WNT3A: variants seen among roughly 807,000 people sequenced by gnomAD.
WNT3A encodes Wnt family member 3A, also known as protein Wnt-3a.
Under a neutral mutation model 37.0 loss-of-function variants are expected in WNT3A, and 17 were observed. The ratio of observed to expected loss-of-function variants is 0.46; its 90% CI spans 0.31 to 0.69. WNT3A has a LOEUF of 0.69. Among genes scored for constraint, WNT3A ranks in the 30% least tolerant of loss-of-function variants. The pLI, the probability that WNT3A is intolerant of heterozygous loss-of-function variation, is 0.05. For synonymous variants in WNT3A, 187 were observed against 211.0 expected, an observed-to-expected ratio of 0.89 and a Z score of 0.99; for missense variants, 411 against 510.2, an observed-to-expected ratio of 0.81 and a Z score of 1.87.
intron 1 of WNT3A, among the ~76,000 whole-genome samples, chr1:228,009,765 GA>G (rs2030317105): frequency 1.3e-5 from 2 of 152,234 alleles, no homozygotes; most frequent in Admixed American, 6.5e-5. Context: ...GAAGTTGGCA[GA>G]GGGAGAGGCA....
At chr1:228,051,879 TG>T (rs2031561642) in intron 3 of WNT3A, among the ~76,000 whole-genome samples, 1 of 151,248 alleles carries the variant, frequency 6.6e-6, no homozygotes, top group Non-Finnish European at 1.5e-5. Context: ...GAAGACAGAG[TG>T]GGGGAGAGGT....
At chr1:228,027,383 A>C (rs1171536437) in intron 2 of WNT3A, among the ~76,000 whole-genome samples, 3 of 152,216 alleles carry the variant, frequency 2.0e-5, no homozygotes, top group Non-Finnish European at 4.4e-5. Flanking sequence ...ACTAATTGAC[A>C]TTCCTACCAG....
chr1:228,059,970 G>A lies in WNT3A; in HGVS notation c.*505G>A. 8.8e-7 allele frequency: 1 copy of A among 1,131,296 alleles called. No individual in the cohort carries two copies. The highest frequency in any genetic ancestry group is 1.1e-6 in the Non-Finnish European group (1 of 910,454). The allele number at this position is 1,131,296 out of a possible 1,614,324, so 70.1% of individuals were successfully genotyped here. A position where few individuals can be genotyped will look rare whatever the true frequency, so the allele number is the denominator to read the frequency against. On this transcript the variant is annotated 3_prime_UTR_variant, in exon 4 of 4. Coordinates refer to ENST00000284523, the MANE Select transcript of WNT3A (RefSeq NM_033131.4). Reference sequence around the variant, plus strand: ...TCCCTGAGGGCGGAGCGCCTCCTTAGGAGTGGGGTTTTATGGTGGATGAGG... The same window carrying A: ...TCCCTGAGGGCGGAGCGCCTCCTTAAGAGTGGGGTTTTATGGTGGATGAGG...
chr1:228,022,542 T>G, intron 1 of WNT3A, 125 bp from the exon 2 acceptor site: 1 of 1,238,646 alleles, frequency 8.1e-7, no homozygotes, highest in Non-Finnish European at 1.1e-6. Flanking sequence ...TCAGATTTCC[T>G]TCATGGTGGA....
At chr1:228,045,224 C>A (rs2031372929) in intron 2 of WNT3A, among the ~76,000 whole-genome samples, 1 of 152,242 alleles carries the variant, frequency 6.6e-6, no homozygotes, top group Non-Finnish European at 1.5e-5. Flanking sequence ...GGCTCTGGTT[C>A]TCCTCTTACC....
At chr1:228,034,904 G>A (rs2031097867) in intron 2 of WNT3A, among the ~76,000 whole-genome samples, 1 of 152,124 alleles carries the variant, frequency 6.6e-6, no homozygotes, top group Non-Finnish European at 1.5e-5. Context: ...AGATCCAGGA[G>A]TCTCCTGGAA....
chr1:228,047,239 A>G (rs904690512), intron 2 of WNT3A, among the ~76,000 whole-genome samples: 2 of 152,072 alleles, frequency 1.3e-5, no homozygotes, highest in African/African-American at 4.8e-5. Flanking sequence ...GGCCCTAGGG[A>G]GGGACGGGGC....
intron 3 of WNT3A, among the ~76,000 whole-genome samples, chr1:228,055,171 AAAAAAAAAATATAT>A (rs1449607494): frequency 6.8e-5 from 5 of 73,020 alleles, no homozygotes; most frequent in African/African-American, 2.4e-4. Flanking sequence ...AAAAAAAAAA[AAAAAAAAAATATAT>A]ATATATATAT....
chr1:228,024,442 G>A lies in WNT3A; in HGVS notation c.313+1534G>A, dbSNP rs149922839. Among the ~76,000 whole-genome samples the A allele has an allele frequency of 2.6e-5, 4 of 152,326 alleles. No homozygotes were observed. The East Asian group carries it at 7.7e-4, about 29-fold the overall frequency. ...GATGATGCCAAGCACCATTTCATGG[G>A]CTTTGGGGCCATTTGTAGACCTTCT... On this transcript the variant is annotated intron_variant, in intron 2 of 3. Coordinates refer to ENST00000284523, the MANE Select transcript of WNT3A (RefSeq NM_033131.4).
chr1:228,022,161 A>G (rs1158549674), intron 1 of WNT3A, among the ~76,000 whole-genome samples: 2 of 152,244 alleles, frequency 1.3e-5, no homozygotes, highest in Non-Finnish European at 2.9e-5. Context: ...CTTCCTGTAT[A>G]ACATACAGGC....
At chr1:228,052,854 CAAT>C (rs2031587359) in intron 3 of WNT3A, among the ~76,000 whole-genome samples, 1 of 152,308 alleles carries the variant, frequency 6.6e-6, no homozygotes, top group South Asian at 2.1e-4. Flanking sequence ...ATGGGCTTTT[CAAT>C]AAATGGTGCT....
chr1:228,060,395 G>A lies in WNT3A; in HGVS notation c.*930G>A, dbSNP rs1274448196. On this transcript the variant is annotated 3_prime_UTR_variant, in exon 4 of 4. Coordinates refer to ENST00000284523, the MANE Select transcript of WNT3A (RefSeq NM_033131.4). ...GAATGCTCCAGGCGCGCCGACGCCT[G>A]TGCCACCCCTTCCTCAGCCTGGGGT... 1 of 998,732 alleles carries A rather than the reference G, an allele frequency of 1.0e-6. No homozygotes were observed. The highest frequency in any genetic ancestry group is 1.4e-6 in the Non-Finnish European group (1 of 725,254). 61.9% of individuals were successfully genotyped at this position (998,732 alleles called of 1,614,324 possible).
At position 228,007,217 on chromosome 1, in the gene WNT3A, C is replaced by A; in HGVS notation, c.71+18C>A. On this transcript the variant is annotated intron_variant, in intron 1 of 3. Coordinates refer to ENST00000284523, the MANE Select transcript of WNT3A (RefSeq NM_033131.4). The surrounding 1 kb of genome is among the most constrained non-coding windows in gnomAD (Gnocchi z 6.0). ...ATCTGGTGGTGAGTGAGCCTCCTCG[C>A]GTTCGCCCCTGCCCCTGTGCGCCGC... 1 of 1,596,654 alleles carries A rather than the reference C, an allele frequency of 6.3e-7. No homozygotes were observed. The highest frequency in any genetic ancestry group is 1.1e-5 in the South Asian group (1 of 88,772).
At chr1:228,027,467 C>T (rs1436003529) in intron 2 of WNT3A, among the ~76,000 whole-genome samples, 1 of 152,194 alleles carries the variant, frequency 6.6e-6, no homozygotes, top group Non-Finnish European at 1.5e-5. Flanking sequence ...ATAATGGCAT[C>T]CTTGCAAGAG....
intron 1 of WNT3A, among the ~76,000 whole-genome samples, chr1:228,012,098 G>C (rs1002419440): frequency 1.3e-5 from 2 of 152,246 alleles, no homozygotes; most frequent in Non-Finnish European, 2.9e-5. Flanking sequence ...AGCAGGGAGA[G>C]CAGGATGAGT....
chr1:228,047,729 G>A (rs556236036), intron 2 of WNT3A, among the ~76,000 whole-genome samples: 2 of 152,312 alleles, frequency 1.3e-5, no homozygotes, highest in East Asian at 3.9e-4. Context: ...GGGAGGCTAG[G>A]AAGCTTCCAA....
chr1:228,031,758 G>A lies in WNT3A; in HGVS notation c.313+8850G>A, dbSNP rs1001549776. Among the ~76,000 whole-genome samples the A allele has an allele frequency of 6.6e-6, 1 of 152,276 alleles. No individual in the cohort carries two copies. Among genetic ancestry groups the A allele is most frequent in the African/African-American group, 2.4e-5 (1 of 41,534 alleles). ...TGTGCATGTGATGCAGTTGCTGCCCGCTAGGGTTCCTGGGCTGTGCTGTAG... is the reference window on the plus strand; with the variant it reads ...TGTGCATGTGATGCAGTTGCTGCCCACTAGGGTTCCTGGGCTGTGCTGTAG... On this transcript the variant is annotated intron_variant, in intron 2 of 3. Coordinates refer to ENST00000284523, the MANE Select transcript of WNT3A (RefSeq NM_033131.4). The surrounding 1 kb of genome is among the most constrained non-coding windows in gnomAD (Gnocchi z 4.8).
At chr1:228,015,919 G>A (rs2030519406) in intron 1 of WNT3A, among the ~76,000 whole-genome samples, 1 of 152,048 alleles carries the variant, frequency 6.6e-6, no homozygotes, top group Non-Finnish European at 1.5e-5. Context: ...TTGTCTTAGG[G>A]CACCAGGCAG....
rs555096651 is a variant in WNT3A, at chr1:228,038,760, C to A, written c.314-11896C>A. Among the ~76,000 whole-genome samples, 2 of 152,320 alleles carry A rather than the reference C, an allele frequency of 1.3e-5. No individual in the cohort carries two copies. Among genetic ancestry groups the A allele is most frequent in the African/African-American group, 2.4e-5 (1 of 41,556 alleles). ...GGCTGTGTTCGCTGTGACCCTCCAT[C>A]CCCCAGGATGCCTGAAGGCCAGTCC... On this transcript the variant is annotated intron_variant, in intron 2 of 3. Coordinates refer to ENST00000284523, the MANE Select transcript of WNT3A (RefSeq NM_033131.4). This position sits in a 1 kb window ranked among gnomAD's most constrained non-coding sequence, Gnocchi z 5.7.
Sources: allele counts gnomAD v4.1 joint callset (sites outside exome capture counted in the v4.1 genomes callset), GRCh38; gene constraint gnomAD v4.1.1; non-coding constraint Gnocchi (gnomAD v3.1); transcripts MANE v1.5; gene names NCBI Gene and HGNC (gene_info 2026-07-23, HGNC 2026-07-21).